Variants in CERS6 observed in about 807,000 individuals in gnomAD.
CERS6 encodes the protein ceramide synthase 6.
CERS6 carries 26 observed loss-of-function variants against 56.8 expected under a neutral mutation model. That is an observed-to-expected ratio of 0.46 (90% CI 0.34 to 0.63). The LOEUF (loss-of-function observed/expected upper bound fraction) is 0.63, where lower values mean the gene tolerates loss of function less well. Ranked by LOEUF, CERS6 falls within the 30% of genes least tolerant of loss-of-function variation. The pLI is 0.01. For synonymous variants in CERS6, 164 were observed against 173.3 expected (o/e 0.95, Z 0.42); for missense variants, 415 against 467.5 (o/e 0.89, Z 1.04).
intron 1 of CERS6, among the ~76,000 whole-genome samples, chr2:168,510,613 G>A (rs1694761920): frequency 6.6e-6 from 1 of 152,196 alleles, no homozygotes; most frequent in Non-Finnish European, 1.5e-5. Flanking sequence ...AAGTGTGACT[G>A]TGTTGTCATC....
chr2:168,746,818 TATAA>T (rs1274835551), intron 8 of CERS6, among the ~76,000 whole-genome samples: 1,796 of 95,194 alleles, frequency 0.019, 7 homozygotes, highest in Non-Finnish European at 0.024. Flanking sequence ...TATATATATA[TATAA>T]AATCATCTTT....
At chr2:168,550,167 GTTT>G (rs1260493398) in intron 2 of CERS6, among the ~76,000 whole-genome samples, 2 of 151,886 alleles carry the variant, frequency 1.3e-5, no homozygotes, top group Non-Finnish European at 2.9e-5. Context: ...TTGTCAAGGT[GTTT>G]TTTTGTTTGT....
At chr2:168,768,630 G>A (rs2105470044) in intron 9 of CERS6, among the ~76,000 whole-genome samples, 1 of 152,024 alleles carries the variant, frequency 6.6e-6, no homozygotes, top group South Asian at 2.1e-4. Flanking sequence ...TCCTGGCCAG[G>A]CACGGTGTCT....
chr2:168,552,914 C>T (rs1215743498), intron 2 of CERS6, among the ~76,000 whole-genome samples: 2 of 151,806 alleles, frequency 1.3e-5, no homozygotes, highest in African/African-American at 2.4e-5. Context: ...AATAATGAGG[C>T]TAAAGAGGCA....
intron 1 of CERS6, among the ~76,000 whole-genome samples, chr2:168,512,682 T>C (rs1373498690): frequency 1.4e-5 from 2 of 143,388 alleles, no homozygotes; most frequent in South Asian, 2.1e-4. Context: ...TTTTTTTTTT[T>C]TTAAAGACAG....
At chr2:168,567,936 C>T (rs1695913310) in intron 3 of CERS6, among the ~76,000 whole-genome samples, 1 of 152,206 alleles carries the variant, frequency 6.6e-6, no homozygotes, top group South Asian at 2.1e-4. Context: ...GGACTATGGA[C>T]AGTCTGCTCT....
At chr2:168,691,205 G>A (rs558174145) in intron 5 of CERS6, 121 bp downstream of exon 5, 9 of 792,136 alleles carry the variant, frequency 1.1e-5, no homozygotes, top group African/African-American at 5.1e-5. Context: ...CCCCACTCCC[G>A]CTGATCAGTG....
chr2:168,690,169 A>G (rs1686463159), intron 4 of CERS6, among the ~76,000 whole-genome samples: 1 of 152,168 alleles, frequency 6.6e-6, no homozygotes, highest in African/African-American at 2.4e-5. Flanking sequence ...AGGGCTGATG[A>G]AGATGTTGGC....
intron 1 of CERS6, among the ~76,000 whole-genome samples, chr2:168,502,485 C>T (rs1160120690): frequency 1.3e-5 from 2 of 152,092 alleles, no homozygotes; most frequent in Non-Finnish European, 2.9e-5. Flanking sequence ...GCTGCTTCAT[C>T]TGCAGCATGG....
chr2:168,655,512 T>A (rs948367496), intron 4 of CERS6, among the ~76,000 whole-genome samples: 6 of 152,340 alleles, frequency 3.9e-5, no homozygotes, highest in African/African-American at 1.4e-4. Context: ...AAGAAATGTG[T>A]ATGTACACAC....
intron 6 of CERS6, among the ~76,000 whole-genome samples, chr2:168,696,334 T>G (rs1026110499): frequency 1.3e-5 from 2 of 152,202 alleles, no homozygotes; most frequent in African/African-American, 4.8e-5. Context: ...TTTTTGCCAC[T>G]CCGTATACCT....
chr2:168,521,556 A>G (rs1411160861), intron 1 of CERS6, among the ~76,000 whole-genome samples: 1 of 152,210 alleles, frequency 6.6e-6, no homozygotes, highest in Non-Finnish European at 1.5e-5. Flanking sequence ...CAGCTGCGCC[A>G]GGCATTTCAG....
At chr2:168,487,088 C>A (rs1361985333) in intron 1 of CERS6, among the ~76,000 whole-genome samples, 1 of 152,136 alleles carries the variant, frequency 6.6e-6, no homozygotes. Context: ...CTCTTACCTG[C>A]AGCAGAATGA....
chr2:168,674,372 A>G (rs1686000567), intron 4 of CERS6, among the ~76,000 whole-genome samples: 1 of 152,176 alleles, frequency 6.6e-6, no homozygotes, highest in Non-Finnish European at 1.5e-5. Context: ...GGATTGTCTA[A>G]TTAAACTTCT....
chr2:168,729,688 G>A (rs1683462559), intron 8 of CERS6, among the ~76,000 whole-genome samples: 2 of 152,236 alleles, frequency 1.3e-5, no homozygotes, highest in African/African-American at 4.8e-5. Context: ...TCTGATGGCA[G>A]TGTTGCCAAG....
At chr2:168,574,482 A>G (rs187020118) in intron 3 of CERS6, among the ~76,000 whole-genome samples, 1 of 152,126 alleles carries the variant, frequency 6.6e-6, no homozygotes, top group East Asian at 1.9e-4. Flanking sequence ...TCTTCCCTTG[A>G]TACATAAATG....
chr2:168,761,047 G>A lies in CERS6; in HGVS notation c.846-4545G>A, dbSNP rs1167859675. 3.3e-5 allele frequency among the ~76,000 whole-genome samples: 5 copies of A among 152,198 alleles called. No homozygotes were observed. In the South Asian group the frequency reaches 6.2e-4, roughly 19 times the overall value. ...GCTGGGATTATAGGCGTGAGCCACC[G>A]CGCCCGGCCGGGTTTACTGTTTATT... On this transcript the variant is annotated intron_variant, in intron 8 of 9. Transcript: ENST00000305747.
At chr2:168,574,396 GTGTGTGTGTGTGTGTGTGTC>G (rs1393678979) in intron 3 of CERS6, among the ~76,000 whole-genome samples, 1 of 41,714 alleles carries the variant, frequency 2.4e-5, no homozygotes, top group African/African-American at 5.4e-5. Flanking sequence ...GTGTGTGTGT[GTGTGTGTGTGTGTGTGTGTC>G]AAGCATTTAC....
chr2:168,742,939 C>G (rs1683961836), intron 8 of CERS6, among the ~76,000 whole-genome samples: 1 of 152,128 alleles, frequency 6.6e-6, no homozygotes, highest in Non-Finnish European at 1.5e-5. Context: ...ACAGTAGAAC[C>G]AGTCCCTGCT....
Sources: allele counts gnomAD v4.1 joint callset (sites outside exome capture counted in the v4.1 genomes callset), GRCh38; gene constraint gnomAD v4.1.1; transcripts MANE v1.5; gene names NCBI Gene and HGNC (gene_info 2026-07-23, HGNC 2026-07-21).